The following SNX18 variants were observed in gnomAD, a reference collection of about 807,000 sequenced individuals.
The protein encoded by SNX18 is sorting nexin-18.
In SNX18, 35 loss-of-function variants were observed where a neutral mutation model predicts 48.7. The ratio of observed to expected loss-of-function variants is 0.72; its 90% CI spans 0.55 to 0.95. The LOEUF (loss-of-function observed/expected upper bound fraction) is 0.95. Among genes scored for constraint, SNX18 ranks in the 40% least tolerant of loss-of-function variants. The pLI is 0.00. For missense variants in SNX18, 824 were observed against 871.0 expected, an observed-to-expected ratio of 0.95 and a Z score of 0.68; for synonymous variants, 492 against 384.7, an observed-to-expected ratio of 1.28 and a Z score of -3.26.
chr5:54,608,505 G>A, the SNX18 span, among the ~76,000 whole-genome samples: 12 of 152,234 alleles, frequency 7.9e-5, no homozygotes, highest in East Asian at 2.1e-3. Flanking sequence ...CAAAGTGCTG[G>A]AATTACAGGC....
At chr5:54,621,859 T>C in the SNX18 span, among the ~76,000 whole-genome samples, 4 of 152,352 alleles carry the variant, frequency 2.6e-5, no homozygotes, top group African/African-American at 9.6e-5. Flanking sequence ...TCTCAGAGGC[T>C]GTAGACAGCC....
chr5:54,584,340 G>T, the SNX18 span, among the ~76,000 whole-genome samples: 1 of 152,030 alleles, frequency 6.6e-6, no homozygotes, highest in African/African-American at 2.4e-5. Context: ...GAGCCACTGC[G>T]TCCAGGCACC....
At chr5:54,641,560 G>A in the SNX18 span, among the ~76,000 whole-genome samples, 2 of 152,082 alleles carry the variant, frequency 1.3e-5, 1 homozygote, top group African/African-American at 4.8e-5. Flanking sequence ...AACACCTTTA[G>A]GGCACTGCAC....
chr5:54,550,810 C>G (rs1762642891), downstream of SNX18, among the ~76,000 whole-genome samples: 1 of 152,132 alleles, frequency 6.6e-6, no homozygotes, highest in South Asian at 2.1e-4. Flanking sequence ...GTCTCGAACT[C>G]CTGACCTCAG....
chr5:54,601,503 T>C, the SNX18 span, among the ~76,000 whole-genome samples: 1 of 152,116 alleles, frequency 6.6e-6, no homozygotes, highest in African/African-American at 2.4e-5. Context: ...AGAATTTCTG[T>C]CCCATGATTA....
chr5:54,609,826 C>T, the SNX18 span, among the ~76,000 whole-genome samples: 9 of 151,492 alleles, frequency 5.9e-5, no homozygotes, highest in South Asian at 2.1e-4. Context: ...GGAGGTGGAG[C>T]GTGGTGGGAG....
chr5:54,529,042 CA>C (rs1196872126), intron 1 of SNX18, among the ~76,000 whole-genome samples: 1 of 152,156 alleles, frequency 6.6e-6, no homozygotes, highest in African/African-American at 2.4e-5. Context: ...CACGGAAGAT[CA>C]AATGGGGTGC....
the SNX18 span, among the ~76,000 whole-genome samples, chr5:54,601,645 G>T: frequency 2.7e-3 from 411 of 152,232 alleles, 1 homozygote; most frequent in African/African-American, 9.4e-3. Context: ...ACAGGAAAGT[G>T]GGGGGAGGAG....
At chr5:54,619,020 T>A in the SNX18 span, among the ~76,000 whole-genome samples, 1 of 152,076 alleles carries the variant, frequency 6.6e-6, no homozygotes, top group South Asian at 2.1e-4. Flanking sequence ...GACCATGGTG[T>A]AGGTAGTAAT....
At chr5:54,585,770 G>A in the SNX18 span, among the ~76,000 whole-genome samples, 17 of 152,130 alleles carry the variant, frequency 1.1e-4, no homozygotes, top group South Asian at 4.2e-4. Flanking sequence ...TTGGGAGGCC[G>A]AGGCGGGCGG....
chr5:54,536,424 C>T (rs1392167279), intron 1 of SNX18, among the ~76,000 whole-genome samples: 1 of 144,636 alleles, frequency 6.9e-6, no homozygotes, highest in African/African-American at 2.5e-5. Context: ...TGTTCCCCTT[C>T]CTGTGTCCAA....
chr5:54,604,801 A>T, the SNX18 span, among the ~76,000 whole-genome samples: 17 of 152,364 alleles, frequency 1.1e-4, no homozygotes, highest in East Asian at 1.7e-3. Context: ...CAATAAACAG[A>T]CAAACCAAAA....
At chr5:54,639,436 C>T in the SNX18 span, among the ~76,000 whole-genome samples, 1 of 152,258 alleles carries the variant, frequency 6.6e-6, no homozygotes, top group East Asian at 1.9e-4. Flanking sequence ...AACAGATGGA[C>T]AAATGAACTT....
In SNX18 at chr5:54,546,223, A is replaced by G. The variant is rs1762575537; in HGVS notation, c.*2791A>G. ...GCAGATTCTTAAATGCCGATTTTTA[A>G]TTGTCTTAAATTTTGCTGCTGTTCT... is the stretch of plus-strand genomic sequence containing the variant. On this transcript the variant is annotated 3_prime_UTR_variant, in exon 2 of 2. Coordinates refer to ENST00000381410, the MANE Select transcript of SNX18 (RefSeq NM_001102575.2). 1 of 152,216 alleles carries G rather than the reference A, an allele frequency of 6.6e-6. No individual in the cohort carries two copies. 9.4% of individuals were successfully genotyped at this position (152,216 alleles called of 1,614,324 possible).
At chr5:54,647,517 C>A in the SNX18 span, among the ~76,000 whole-genome samples, 1 of 152,162 alleles carries the variant, frequency 6.6e-6, no homozygotes, top group African/African-American at 2.4e-5. Flanking sequence ...ATTACATAGC[C>A]TGGCATGGTT....
the SNX18 span, among the ~76,000 whole-genome samples, chr5:54,552,558 A>C: frequency 6.6e-6 from 1 of 152,224 alleles, no homozygotes; most frequent in African/African-American, 2.4e-5. Context: ...GCTGTGAGAA[A>C]GGTAGTCACC....
At chr5:54,587,357 A>G in the SNX18 span, among the ~76,000 whole-genome samples, 2 of 152,196 alleles carry the variant, frequency 1.3e-5, no homozygotes, top group African/African-American at 2.4e-5. Flanking sequence ...ATTAAGTACT[A>G]TATACATCAA....
downstream of SNX18, among the ~76,000 whole-genome samples, chr5:54,548,746 T>C: frequency 6.6e-6 from 1 of 152,218 alleles, no homozygotes; most frequent in East Asian, 1.9e-4. Flanking sequence ...CTGAACATCA[T>C]GTGACCATGG....
the SNX18 span, among the ~76,000 whole-genome samples, chr5:54,578,120 T>A: frequency 6.6e-6 from 1 of 152,184 alleles, no homozygotes; most frequent in East Asian, 1.9e-4. Flanking sequence ...TATCTCTGGA[T>A]GTCAGGTGAG....
Sources: allele counts gnomAD v4.1 joint callset (sites outside exome capture counted in the v4.1 genomes callset), GRCh38; gene constraint gnomAD v4.1.1; transcripts MANE v1.5; gene names NCBI Gene and HGNC (gene_info 2026-07-23, HGNC 2026-07-21).